FBXO25: variants seen among roughly 807,000 people sequenced by gnomAD.
FBXO25 encodes the protein F-box protein 25.
In FBXO25, 45 loss-of-function variants were observed where a neutral mutation model predicts 51.9. The observed-to-expected ratio is 0.87, with a 90% CI of 0.68 to 1.11. The LOEUF is 1.11. FBXO25 is among the 50% of genes most tolerant of loss of function. FBXO25 has a pLI of 0.00. For missense variants in FBXO25, 507 were observed against 428.5 expected (o/e 1.18, Z -1.62); for synonymous variants, 199 against 151.0 (o/e 1.32, Z -2.33).
At chr8:411,256 G>T (rs1451602552) in intron 1 of FBXO25, among the ~76,000 whole-genome samples, 1 of 152,170 alleles carries the variant, frequency 6.6e-6, no homozygotes, top group Non-Finnish European at 1.5e-5. Flanking sequence ...TTCAACTCTT[G>T]CCATGCTTGG....
intron 5 of FBXO25, among the ~76,000 whole-genome samples, chr8:436,538 AC>A (rs1798113270): frequency 2.6e-5 from 4 of 152,322 alleles, no homozygotes; most frequent in Admixed American, 1.3e-4. Flanking sequence ...ACTACTACTT[AC>A]AACTCCTGTT....
intron 2 of FBXO25, among the ~76,000 whole-genome samples, chr8:426,169 C>T (rs1440312723): frequency 1.3e-5 from 2 of 152,308 alleles, no homozygotes; most frequent in East Asian, 3.9e-4. Flanking sequence ...CTCACCTTTG[C>T]ATCTGCCTCT....
At chr8:456,227 T>C (rs985185691) in intron 7 of FBXO25, among the ~76,000 whole-genome samples, 19 of 152,316 alleles carry the variant, frequency 1.2e-4, no homozygotes, top group African/African-American at 4.3e-4. Flanking sequence ...TTTTTGTCTT[T>C]GAGATAGGGT....
chr8:446,390 CA>C (rs1798740581), intron 5 of FBXO25, among the ~76,000 whole-genome samples: 1 of 152,174 alleles, frequency 6.6e-6, no homozygotes, highest in African/African-American at 2.4e-5. Context: ...TGCTGTAGGG[CA>C]AGAAGCCTAT....
At chr8:468,061 G>A in intron 9 of FBXO25, 2 of 1,180,398 alleles carry the variant, frequency 1.7e-6, no homozygotes, top group African/African-American at 1.6e-5. Flanking sequence ...ATCCAGCACT[G>A]ACCCCAGAGC....
At chr8:438,320 A>G (rs1228358625) in intron 5 of FBXO25, among the ~76,000 whole-genome samples, 1 of 152,178 alleles carries the variant, frequency 6.6e-6, no homozygotes, top group Non-Finnish European at 1.5e-5. Flanking sequence ...CGGCCTCCCA[A>G]AGTGCTAGGA....
chr8:411,193 A>G (rs1359122241), intron 1 of FBXO25, among the ~76,000 whole-genome samples: 2 of 152,168 alleles, frequency 1.3e-5, no homozygotes, highest in Admixed American at 1.3e-4. Context: ...TACAGAAACC[A>G]CTTTTGCTTG....
rs751942668 is a variant in FBXO25 at position 432,925 on chromosome 8, G to A, written c.278G>A (p.Ser93Asn). The change falls in exon 4 of 10, where the codon AGC becomes AAC. Residue 93 changes from serine to asparagine, a missense_variant. Coordinates refer to ENST00000350302, the MANE Select transcript of FBXO25 (RefSeq NM_183420.2). The part of the protein sequence containing the change: ...REKWIYVHKE[S>N]TKERHGYCTL... ...AAATGGATCTATGTCCATAAAGAAAGCACAAAGGAAGTAAGTATTCTATTA... is the reference window on the plus strand; with the variant it reads ...AAATGGATCTATGTCCATAAAGAAAACACAAAGGAAGTAAGTATTCTATTA... 3.2e-6 allele frequency: 5 copies of A among 1,557,138 alleles called. No individual in the cohort carries two copies. Among genetic ancestry groups the A allele is most frequent in the Non-Finnish European group, 4.3e-6 (5 of 1,155,290 alleles).
chr8:418,406 C>A (rs1337980500), intron 2 of FBXO25, among the ~76,000 whole-genome samples: 1 of 116,472 alleles, frequency 8.6e-6, no homozygotes, highest in African/African-American at 3.3e-5. Flanking sequence ...GTGGCATGAT[C>A]TCGGCTCACT....
chr8:437,437 G>A (rs982616405), intron 5 of FBXO25, among the ~76,000 whole-genome samples: 4 of 152,190 alleles, frequency 2.6e-5, no homozygotes, highest in African/African-American at 9.7e-5. Flanking sequence ...TGCCTTCCAA[G>A]CAGGGCCTTG....
In FBXO25 at chr8:475,629, T is replaced by C. The variant is rs138865244; in HGVS notation, c.*6825T>C. 14 of 152,332 alleles carry C rather than the reference T, an allele frequency of 9.2e-5. No individual in the cohort carries two copies. The highest frequency in any genetic ancestry group is 1.9e-4 in the Non-Finnish European group (13 of 68,012). 9.4% of individuals were successfully genotyped at this position (152,332 alleles called of 1,614,324 possible). On this transcript the variant is annotated 3_prime_UTR_variant, in exon 10 of 10. Transcript: ENST00000350302. ...TTATGGTTTTCAAGTACAAGTCTTT[T>C]GCTTCCTTAAGTTTATTCCTAAATA...
intron 7 of FBXO25, among the ~76,000 whole-genome samples, chr8:455,987 C>T (rs188359317): frequency 1.9e-4 from 29 of 152,230 alleles, no homozygotes; most frequent in African/African-American, 5.8e-4. Context: ...GACTCTATAA[C>T]TCTACTAATC....
intron 1 of FBXO25, chr8:407,344 C>A: frequency 2.1e-6 from 2 of 965,802 alleles, no homozygotes. Flanking sequence ...ACGGGATTGC[C>A]GCGTGCGCGT....
At chr8:428,633 A>G (rs1469433533) in intron 2 of FBXO25, among the ~76,000 whole-genome samples, 1 of 152,216 alleles carries the variant, frequency 6.6e-6, no homozygotes, top group Non-Finnish European at 1.5e-5. Context: ...CATTACCACC[A>G]TCCATCTCTA....
At chr8:420,313 T>C (rs1302561330) in intron 2 of FBXO25, 1 of 152,222 alleles carries the variant, frequency 6.6e-6, no homozygotes, top group Non-Finnish European at 1.5e-5. Flanking sequence ...TGCCAAGTGC[T>C]GGCAGGAATA....
At chr8:457,740 G>C (rs991828349) in intron 7 of FBXO25, among the ~76,000 whole-genome samples, 1 of 152,184 alleles carries the variant, frequency 6.6e-6, no homozygotes, top group East Asian at 1.9e-4. Flanking sequence ...GCTGGGCTGT[G>C]GCCATCGGTT....
In FBXO25 at chr8:475,662, T is replaced by G. The variant is rs1800621274; in HGVS notation, c.*6858T>G. On this transcript the variant is annotated 3_prime_UTR_variant, in exon 10 of 10. Coordinates refer to ENST00000350302, the MANE Select transcript of FBXO25 (RefSeq NM_183420.2). ...TAAGTTTATTCCTAAATATTTCAGT[T>G]TTTTTGTTACTATTATAATGGAATT... 2 of 152,176 alleles carry G rather than the reference T, an allele frequency of 1.3e-5. No individual in the cohort carries two copies. Among genetic ancestry groups the G allele is most frequent in the Admixed American group, 1.3e-4 (2 of 15,292 alleles). The allele number at this position is 152,176 out of a possible 1,614,324, so 9.4% of individuals were successfully genotyped here.
rs1256513617 is a variant in FBXO25, at chr8:471,963, T to C, written c.*3159T>C. The C allele has an allele frequency of 2.6e-5, 4 of 152,250 alleles. No homozygotes were observed. Among genetic ancestry groups the C allele is most frequent in the African/African-American group, 4.8e-5 (2 of 41,466 alleles). 9.4% of individuals were successfully genotyped at this position (152,250 alleles called of 1,614,324 possible). The stretch of plus-strand genomic sequence containing the variant: ...AAACTGTCATATAAGATTTATCAGC[T>C]CTTTTAACACCTTTGTAGATTCCTG... On this transcript the variant is annotated 3_prime_UTR_variant, in exon 10 of 10. Coordinates refer to ENST00000350302, the MANE Select transcript of FBXO25 (RefSeq NM_183420.2).
In FBXO25 at chr8:470,941, G is replaced by C. The variant is rs1331348091; in HGVS notation, c.*2137G>C. The C allele has an allele frequency of 1.3e-5, 2 of 152,106 alleles. No individual in the cohort carries two copies. 9.4% of individuals were successfully genotyped at this position (152,106 alleles called of 1,614,324 possible). The stretch of plus-strand genomic sequence containing the variant: ...TTTCATGTTAGTTTCTTCTTAAAAG[G>C]AAACTATCCTTTTGAAGTTGTGGTT... On this transcript the variant is annotated 3_prime_UTR_variant, in exon 10 of 10. Transcript: ENST00000350302.
Sources: gnomAD v4.1 joint callset for allele counts (sites outside exome capture counted in the v4.1 genomes callset) on GRCh38, gnomAD v4.1.1 for gene constraint, MANE v1.5 for transcripts, NCBI Gene and HGNC (gene_info 2026-07-23, HGNC 2026-07-21) for gene names.